The following EDA variants were observed in gnomAD, a reference collection of about 807,000 sequenced individuals.
EDA encodes ectodysplasin-A.
EDA carries 2 observed loss-of-function variants against 23.6 expected under a neutral mutation model. The observed-to-expected ratio is 0.08, with a 90% CI of 0.03 to 0.27. EDA has a LOEUF of 0.27. Ranked by LOEUF, EDA falls within the 10% of genes least tolerant of loss-of-function variation. The probability of loss-of-function intolerance (pLI) is 1.00; values close to 1 mark genes in which losing one functional copy is unlikely to be tolerated. For synonymous variants in EDA, 131 were observed against 132.0 expected (o/e 0.99, Z 0.05); for missense variants, 229 against 324.2 (o/e 0.71, Z 2.26).
At chrX:69,708,513 A>G (rs1209746507) in intron 1 of EDA, among the ~76,000 whole-genome samples, 1 of 111,384 alleles carries the variant, frequency 9.0e-6, no homozygotes, top group African/African-American at 3.3e-5. Context: ...AACTGGGGCT[A>G]TAACAGTGAT....
intron 1 of EDA, among the ~76,000 whole-genome samples, chrX:69,912,526 T>C (rs2018280291): frequency 8.9e-6 from 1 of 111,819 alleles, no homozygotes; most frequent in South Asian, 3.8e-4. Context: ...GGGTGTTGTG[T>C]TAGTAGACAT....
intron 1 of EDA, among the ~76,000 whole-genome samples, chrX:69,743,687 A>T (rs756108619): frequency 4.8e-4 from 54 of 112,129 alleles, no homozygotes; most frequent in African/African-American, 1.7e-3. Flanking sequence ...AAATTGAGGT[A>T]AAACCAAAGA....
intron 1 of EDA, among the ~76,000 whole-genome samples, chrX:69,868,943 G>C (rs1174838127): frequency 8.9e-6 from 1 of 112,187 alleles, no homozygotes; most frequent in Non-Finnish European, 1.9e-5. Context: ...TCTGTCTTCT[G>C]CACAGGCCAA....
intron 1 of EDA, among the ~76,000 whole-genome samples, chrX:69,660,801 T>C (rs1418584106): frequency 1.8e-5 from 2 of 111,733 alleles, no homozygotes; most frequent in Non-Finnish European, 3.8e-5. Context: ...GCAATAAACA[T>C]ACGTGTGCAT....
intron 1 of EDA, among the ~76,000 whole-genome samples, chrX:69,845,146 G>A (rs1033908351): frequency 1.8e-5 from 2 of 112,515 alleles, no homozygotes; most frequent in Non-Finnish European, 3.8e-5. Flanking sequence ...GCTCTACATA[G>A]TTGAAGGAGA....
chrX:69,844,970 GAGA>G (rs1401689631), intron 1 of EDA, among the ~76,000 whole-genome samples: 3 of 111,919 alleles, frequency 2.7e-5, no homozygotes, highest in Non-Finnish European at 5.6e-5. Context: ...TTGATGAGTT[GAGA>G]AGAAGGAAAT....
intron 1 of EDA, among the ~76,000 whole-genome samples, chrX:69,902,996 A>G (rs1417981016): frequency 8.9e-6 from 1 of 112,279 alleles, no homozygotes; most frequent in Non-Finnish European, 1.9e-5. Context: ...ATGTTAAGTC[A>G]TGTTAAGTCA....
chrX:69,683,570 C>T lies in EDA; in HGVS notation c.396+66866C>T, dbSNP rs183507145. On this transcript the variant is annotated intron_variant, in intron 1 of 7. Transcript: ENST00000374552. ...TAATAACTTACTTATGGTTTTCTTA[C>T]ATCTATTACATTTATTTGCCTTTCA... Among the ~76,000 whole-genome samples the T allele has an allele frequency of 1.2e-4, 13 of 111,559 alleles. No individual in the cohort carries two copies. The East Asian group carries it at 3.7e-3, about 31-fold the overall frequency.
chrX:69,998,687 G>A (rs371291587), intron 2 of EDA, among the ~76,000 whole-genome samples: 18 of 111,801 alleles, frequency 1.6e-4, no homozygotes, highest in African/African-American at 5.9e-4. Context: ...CATGTTGTGG[G>A]AGGGACCTGG....
intron 1 of EDA, among the ~76,000 whole-genome samples, chrX:69,854,440 C>A (rs1472297301): frequency 9.0e-6 from 1 of 111,678 alleles, no homozygotes; most frequent in Admixed American, 9.5e-5. Context: ...GTTATCTGCC[C>A]ATCTCAGCCT....
chrX:69,727,399 T>A (rs1334262591), intron 1 of EDA, among the ~76,000 whole-genome samples: 2 of 112,205 alleles, frequency 1.8e-5, no homozygotes, highest in African/African-American at 3.2e-5. Context: ...AACTGCCCTC[T>A]ACTACCCAGT....
intron 1 of EDA, among the ~76,000 whole-genome samples, chrX:69,674,018 C>T (rs758999745): frequency 7.1e-5 from 8 of 111,924 alleles, no homozygotes; most frequent in African/African-American, 1.9e-4. Context: ...CAACTCTCTT[C>T]TTCCTTTCCT....
intron 1 of EDA, among the ~76,000 whole-genome samples, chrX:69,752,329 G>A: frequency 8.9e-6 from 1 of 111,832 alleles, no homozygotes; most frequent in African/African-American, 3.3e-5. Flanking sequence ...CATCTATTGT[G>A]ATAATCATGT....
At chrX:69,661,526 T>A (rs1232176097) in intron 1 of EDA, among the ~76,000 whole-genome samples, 6 of 111,233 alleles carry the variant, frequency 5.4e-5, no homozygotes, top group Non-Finnish European at 9.4e-5. Flanking sequence ...TTTTTGTATA[T>A]GGTGTAAGGA....
intron 2 of EDA, among the ~76,000 whole-genome samples, chrX:69,972,235 C>A (rs1218379117): frequency 1.8e-5 from 2 of 111,497 alleles, no homozygotes; most frequent in East Asian, 5.6e-4. Context: ...CTTCTTCTCC[C>A]AAATTTTATG....
chrX:69,686,171 G>A (rs1458850817), intron 1 of EDA, among the ~76,000 whole-genome samples: 1 of 111,756 alleles, frequency 8.9e-6, no homozygotes, highest in Non-Finnish European at 1.9e-5. Flanking sequence ...ACCATGCTTG[G>A]CTAATTTTTA....
chrX:69,681,858 C>T (rs1195743965), intron 1 of EDA, among the ~76,000 whole-genome samples: 1 of 111,844 alleles, frequency 8.9e-6, no homozygotes, highest in Non-Finnish European at 1.9e-5. Flanking sequence ...TGTTCCGTTG[C>T]TGGTGAGGAA....
intron 1 of EDA, among the ~76,000 whole-genome samples, chrX:69,680,820 C>G (rs1303489080): frequency 9.7e-6 from 1 of 103,283 alleles, no homozygotes; most frequent in Admixed American, 1.1e-4. Flanking sequence ...AGTCCATTTA[C>G]ATTTAAAGTT....
chrX:69,626,991 A>G (rs772096035), intron 1 of EDA, among the ~76,000 whole-genome samples: 83 of 111,732 alleles, frequency 7.4e-4, no homozygotes, highest in Middle Eastern at 4.6e-3. Context: ...TTTACTTCAG[A>G]GATTTCTCCC....
Sources: allele counts gnomAD v4.1 joint callset (sites outside exome capture counted in the v4.1 genomes callset), GRCh38; gene constraint gnomAD v4.1.1; transcripts MANE v1.5; gene names NCBI Gene and HGNC (gene_info 2026-07-23, HGNC 2026-07-21).